The following SLC12A8 variants were observed in gnomAD, a reference collection of about 807,000 sequenced individuals.
SLC12A8 encodes solute carrier family 12 member 8, also known as cation-chloride cotransporter 9.
In SLC12A8, 69 loss-of-function variants were observed where a neutral mutation model predicts 75.6. The ratio of observed to expected loss-of-function variants is 0.91; its 90% confidence interval spans 0.75 to 1.11. The LOEUF (loss-of-function observed/expected upper bound fraction) is 1.11. Among genes scored for constraint, SLC12A8 ranks in the 50% most tolerant of loss-of-function variants. The probability of loss-of-function intolerance (pLI) is 0.00; values close to 1 mark genes in which losing one functional copy is unlikely to be tolerated. For synonymous variants in SLC12A8, 365 were observed against 372.8 expected (o/e 0.98, Z 0.24); for missense variants, 877 against 896.7 (o/e 0.98, Z 0.28).
intron 2 of SLC12A8, among the ~76,000 whole-genome samples, chr3:125,208,693 T>C (rs1456534982): frequency 6.9e-6 from 1 of 144,832 alleles, no homozygotes; most frequent in African/African-American, 2.6e-5. Flanking sequence ...ACCACACCAT[T>C]AACACTCAGA....
chr3:125,181,607 C>CAAAAAAAA (rs67602083), intron 4 of SLC12A8, among the ~76,000 whole-genome samples: 4 of 67,606 alleles, frequency 5.9e-5, no homozygotes, highest in Non-Finnish European at 1.0e-4. Flanking sequence ...GACTCCGTCT[C>CAAAAAAAA]AAAAAAAAAA....
chr3:125,138,823 C>T (rs1933556184), intron 5 of SLC12A8, among the ~76,000 whole-genome samples: 1 of 149,876 alleles, frequency 6.7e-6, no homozygotes, highest in Non-Finnish European at 1.5e-5. Flanking sequence ...GCCTGGGCAA[C>T]ACAGAAAGAC....
In SLC12A8 at chr3:125,202,630, GTT is replaced by G. The variant is rs543411392; in HGVS notation, c.51+8667_51+8668del. ...TAGCTAGGCGGAATGTATTAACCAT[GTT>G]TTTTTTTTTTTTTTTTTTAAATCTG... On this transcript the variant is annotated intron_variant, in intron 2 of 13. Transcript: ENST00000469902. Among the ~76,000 whole-genome samples the G allele has an allele frequency of 5.1e-4, 76 of 147,670 alleles. No homozygotes were observed. The Middle Eastern group carries it at 0.01, about 20-fold the overall frequency.
chr3:125,128,177 A>ATT (rs776219498), intron 6 of SLC12A8, among the ~76,000 whole-genome samples: 12,610 of 98,196 alleles, frequency 0.13, 1,837 homozygotes, highest in Non-Finnish European at 0.18. Context: ...GCCTAAGCTT[A>ATT]TTTTTATTTT....
chr3:125,205,574 T>A (rs1047709496), intron 2 of SLC12A8, among the ~76,000 whole-genome samples: 4 of 152,208 alleles, frequency 2.6e-5, no homozygotes, highest in Non-Finnish European at 5.9e-5. Context: ...GATGTCAGTG[T>A]GCATATGAAA....
intron 2 of SLC12A8, among the ~76,000 whole-genome samples, chr3:125,208,643 G>C (rs948830529): frequency 6.6e-6 from 1 of 151,618 alleles, no homozygotes; most frequent in African/African-American, 2.4e-5. Context: ...CAAAGTATTA[G>C]AGCCAGGACT....
chr3:125,178,321 A>G (rs111842083), intron 4 of SLC12A8, among the ~76,000 whole-genome samples: 3,266 of 152,302 alleles, frequency 0.021, 120 homozygotes, highest in African/African-American at 0.075. Flanking sequence ...AGAACTAAAT[A>G]TAGAACAAGA....
intron 13 of SLC12A8, among the ~76,000 whole-genome samples, chr3:125,084,737 A>C (rs1356514591): frequency 6.6e-6 from 1 of 152,194 alleles, no homozygotes; most frequent in Non-Finnish European, 1.5e-5. Context: ...TACGGAAGGC[A>C]GACCCAGTCA....
intron 2 of SLC12A8, among the ~76,000 whole-genome samples, chr3:125,209,483 A>C (rs1191960791): frequency 6.6e-6 from 1 of 152,192 alleles, no homozygotes; most frequent in Non-Finnish European, 1.5e-5. Flanking sequence ...CATATGTTCC[A>C]CTTCCACCAT....
At chr3:125,150,968 T>A (rs1462911081) in intron 5 of SLC12A8, among the ~76,000 whole-genome samples, 1 of 151,910 alleles carries the variant, frequency 6.6e-6, no homozygotes, top group African/African-American at 2.4e-5. Context: ...GGAAACGCGC[T>A]CACACACACA....
chr3:125,207,001 G>A (rs1935238073), intron 2 of SLC12A8, among the ~76,000 whole-genome samples: 1 of 152,210 alleles, frequency 6.6e-6, no homozygotes, highest in African/African-American at 2.4e-5. Context: ...TTAAACATAA[G>A]ATTTGGTGGG....
At chr3:125,155,534 G>A (rs541374599) in intron 5 of SLC12A8, among the ~76,000 whole-genome samples, 2 of 151,606 alleles carry the variant, frequency 1.3e-5, no homozygotes, top group South Asian at 2.1e-4. Context: ...CACTTTGGAA[G>A]GCTGAGGCGG....
At chr3:125,173,452 C>CAAAAAAAAAAAAA (rs61001520) in intron 5 of SLC12A8, among the ~76,000 whole-genome samples, 17 of 79,626 alleles carry the variant, frequency 2.1e-4, no homozygotes, top group East Asian at 4.2e-4. Flanking sequence ...ATTCATGAGC[C>CAAAAAAAAAAAAA]AAAAAAAAAA....
chr3:125,131,429 C>T (rs1255608844), intron 6 of SLC12A8, among the ~76,000 whole-genome samples: 1 of 152,136 alleles, frequency 6.6e-6, no homozygotes, highest in African/African-American at 2.4e-5. Flanking sequence ...CTCTGTCACC[C>T]AGGCTGGAGT....
At chr3:125,185,913 C>A (rs759241410) in intron 4 of SLC12A8, among the ~76,000 whole-genome samples, 5 of 152,226 alleles carry the variant, frequency 3.3e-5, no homozygotes, top group Non-Finnish European at 7.3e-5. Flanking sequence ...GCAGTGGCGT[C>A]TCAGGCCGTG....
intron 3 of SLC12A8, among the ~76,000 whole-genome samples, chr3:125,188,713 C>T (rs1361758173): frequency 6.6e-6 from 1 of 152,194 alleles, no homozygotes; most frequent in East Asian, 1.9e-4. Context: ...GTGGGCAGAG[C>T]CAGTTCAAGA....
chr3:125,192,651 T>C (rs1934930387), intron 2 of SLC12A8: 1 of 154,344 alleles, frequency 6.5e-6, no homozygotes, highest in Admixed American at 6.5e-5. Flanking sequence ...GCCTCAAGGG[T>C]AGAAACTTAG....
chr3:125,110,413 T>C, intron 8 of SLC12A8, 78 bp from the exon 9 acceptor site: 1 of 1,410,944 alleles, frequency 7.1e-7, no homozygotes. Flanking sequence ...CCCACCCACC[T>C]GCACCCCATG....
intron 5 of SLC12A8, among the ~76,000 whole-genome samples, chr3:125,169,590 C>A (rs890556214): frequency 5.9e-5 from 9 of 152,128 alleles, no homozygotes; most frequent in African/African-American, 1.2e-4. Context: ...CACTCTGCAC[C>A]TGAGTATGAG....
Sources: allele counts gnomAD v4.1 joint callset (sites outside exome capture counted in the v4.1 genomes callset), GRCh38; gene constraint gnomAD v4.1.1; transcripts MANE v1.5; gene names NCBI Gene and HGNC (gene_info 2026-07-23, HGNC 2026-07-21).